The following COG5 variants were observed in gnomAD, a reference collection of about 807,000 sequenced individuals.
COG5 encodes conserved oligomeric Golgi complex subunit 5.
A neutral mutation model predicts 110.4 loss-of-function variants in COG5; 86 were observed. The observed-to-expected ratio is 0.78, with a 90% confidence interval of 0.65 to 0.93. The LOEUF (loss-of-function observed/expected upper bound fraction) is 0.93, where lower values mean the gene tolerates loss of function less well. Ranked by LOEUF, COG5 falls within the 40% of genes least tolerant of loss-of-function variation. COG5 has a pLI of 0.00. For synonymous variants in COG5, 360 were observed against 334.6 expected, an observed-to-expected ratio of 1.08 and a Z score of -0.83; for missense variants, 1,077 against 987.0, an observed-to-expected ratio of 1.09 and a Z score of -1.22.
At chr7:107,375,058 A>G (rs1331701047) in intron 7 of COG5, among the ~76,000 whole-genome samples, 1 of 152,016 alleles carries the variant, frequency 6.6e-6, no homozygotes, top group East Asian at 1.9e-4. Context: ...TATTATCACT[A>G]TCATTACTTC....
At chr7:107,232,192 T>C (rs139117047) in intron 18 of COG5, among the ~76,000 whole-genome samples, 3 of 152,320 alleles carry the variant, frequency 2.0e-5, no homozygotes, top group African/African-American at 7.2e-5. Context: ...AGAAAAAGGA[T>C]TCTTGCCAAC....
At chr7:107,343,926 A>C (rs887031190) in intron 10 of COG5, among the ~76,000 whole-genome samples, 2 of 151,546 alleles carry the variant, frequency 1.3e-5, no homozygotes, top group Non-Finnish European at 2.9e-5. Context: ...TCAGCATACC[A>C]CACTATAAAC....
At chr7:107,517,570 G>GA (rs1800015384) in intron 6 of COG5, among the ~76,000 whole-genome samples, 1 of 151,972 alleles carries the variant, frequency 6.6e-6, no homozygotes, top group South Asian at 2.1e-4. Context: ...TGAATTGAAG[G>GA]AAAAAATGTT....
At chr7:107,341,291 A>T (rs563231076) in intron 10 of COG5, among the ~76,000 whole-genome samples, 1 of 152,216 alleles carries the variant, frequency 6.6e-6, no homozygotes, top group Admixed American at 6.5e-5. Flanking sequence ...CACACACAAA[A>T]AATGAAATAC....
intron 2 of COG5, among the ~76,000 whole-genome samples, chr7:107,556,582 T>C (rs1192987959): frequency 6.6e-6 from 1 of 152,178 alleles, no homozygotes; most frequent in East Asian, 1.9e-4. Context: ...TAGACAAAAC[T>C]AAATACATTA....
At chr7:107,258,019 G>T (rs1159729957) in intron 15 of COG5, among the ~76,000 whole-genome samples, 1 of 152,018 alleles carries the variant, frequency 6.6e-6, no homozygotes, top group East Asian at 1.9e-4. Context: ...CCAATAATTT[G>T]CTCAATAAAC....
At chr7:107,447,917 A>T (rs967293341) in intron 6 of COG5, among the ~76,000 whole-genome samples, 1 of 152,190 alleles carries the variant, frequency 6.6e-6, no homozygotes, top group African/African-American at 2.4e-5. Flanking sequence ...GCACTGTGGG[A>T]GGCTGAGGTG....
At chr7:107,277,026 A>G (rs927881538) in intron 14 of COG5, among the ~76,000 whole-genome samples, 2 of 152,250 alleles carry the variant, frequency 1.3e-5, no homozygotes, top group Non-Finnish European at 2.9e-5. Context: ...TGAAGCATCA[A>G]TGCTAAATCC....
chr7:107,259,605 C>A (rs894885348), intron 14 of COG5, among the ~76,000 whole-genome samples: 2 of 151,990 alleles, frequency 1.3e-5, no homozygotes, highest in African/African-American at 4.8e-5. Context: ...GGGTCAAATG[C>A]TAAACATACA....
intron 12 of COG5, 109 bp downstream of exon 12, chr7:107,298,033 G>C (rs1364608150): frequency 6.6e-6 from 3 of 457,088 alleles, no homozygotes; most frequent in African/African-American, 4.2e-5. Context: ...CAAATATTTA[G>C]AGACTTGGTA....
Position 107,283,742 on chromosome 7 carries a change from CA to C in COG5, c.1314-11del, listed in dbSNP as rs1160270097. The C allele has an allele frequency of 6.2e-7, 1 of 1,611,892 alleles. No individual in the cohort carries two copies. Among genetic ancestry groups the C allele is most frequent in the Admixed American group, 1.7e-5 (1 of 59,966 alleles). ...CAAAGCCTTTTCTGGACTGTGGAAA[CA>C]AAATTTTTTAAAAACTAACTTAAAT... On this transcript the variant is annotated splice_polypyrimidine_tract_variant and intron_variant, in intron 12 of 21. Transcript: ENST00000297135.
At chr7:107,436,139 A>T (rs1216750773) in intron 6 of COG5, among the ~76,000 whole-genome samples, 1 of 152,188 alleles carries the variant, frequency 6.6e-6, no homozygotes, top group Admixed American at 6.5e-5. Context: ...AGAAGTTGGG[A>T]AGGATGGGGA....
chr7:107,547,946 AT>A (rs1454456410), intron 5 of COG5, 164 bp downstream of exon 5: 5 of 638,834 alleles, frequency 7.8e-6, no homozygotes, highest in Non-Finnish European at 1.4e-5. Context: ...TTAGATTTGT[AT>A]TTTTTGAGCT....
At chr7:107,392,015 T>G (rs957019860) in intron 7 of COG5, among the ~76,000 whole-genome samples, 1 of 152,080 alleles carries the variant, frequency 6.6e-6, no homozygotes, top group Non-Finnish European at 1.5e-5. Flanking sequence ...TGCTTGAACC[T>G]GGGAGGTGGA....
chr7:107,296,866 A>G (rs1334729611), intron 12 of COG5, among the ~76,000 whole-genome samples: 2 of 152,218 alleles, frequency 1.3e-5, no homozygotes, highest in African/African-American at 2.4e-5. Flanking sequence ...TTCTTACAAG[A>G]TAGGTGATAA....
chr7:107,415,863 C>T (rs1301397673), intron 6 of COG5, among the ~76,000 whole-genome samples: 2 of 87,176 alleles, frequency 2.3e-5, no homozygotes, highest in Admixed American at 1.1e-4. Context: ...CACACATACA[C>T]GTATGTATGT....
chr7:107,244,619 A>G (rs1801912503), intron 17 of COG5, among the ~76,000 whole-genome samples: 1 of 152,100 alleles, frequency 6.6e-6, no homozygotes, highest in Non-Finnish European at 1.5e-5. Context: ...ACAATTAGAC[A>G]TGAGGAAGAA....
At chr7:107,264,754 A>G (rs1407545631) in intron 14 of COG5, among the ~76,000 whole-genome samples, 1 of 152,114 alleles carries the variant, frequency 6.6e-6, no homozygotes, top group African/African-American at 2.4e-5. Flanking sequence ...ATAATAGAGA[A>G]AAGTTTATAC....
At chr7:107,465,638 G>A (rs1228086085) in intron 6 of COG5, among the ~76,000 whole-genome samples, 1 of 152,114 alleles carries the variant, frequency 6.6e-6, no homozygotes, top group Non-Finnish European at 1.5e-5. Flanking sequence ...AAACACTGCT[G>A]AATATACCTG....
Sources: gnomAD v4.1 joint callset for allele counts (sites outside exome capture counted in the v4.1 genomes callset) on GRCh38, gnomAD v4.1.1 for gene constraint, MANE v1.5 for transcripts, NCBI Gene and HGNC (gene_info 2026-07-23, HGNC 2026-07-21) for gene names.